The following TCF12 variants were observed in gnomAD, a reference collection of about 807,000 sequenced individuals.
TCF12 encodes the protein DNA-binding protein HTF4.
A neutral mutation model predicts 86.0 loss-of-function variants in TCF12; 45 were observed. The ratio of observed to expected loss-of-function variants is 0.52; its 90% confidence interval spans 0.41 to 0.67. TCF12 has a LOEUF of 0.67. Among genes scored for constraint, TCF12 ranks in the 30% least tolerant of loss-of-function variants. The pLI is 0.00. For synonymous variants in TCF12, 330 were observed against 299.6 expected, an observed-to-expected ratio of 1.10 and a Z score of -1.05; for missense variants, 881 against 859.9, an observed-to-expected ratio of 1.02 and a Z score of -0.31.
intron 7 of TCF12, among the ~76,000 whole-genome samples, chr15:57,196,208 A>T (rs1432565790): frequency 6.6e-6 from 1 of 152,152 alleles, no homozygotes; most frequent in Non-Finnish European, 1.5e-5. Flanking sequence ...TGTACTGAAC[A>T]TGCATAGACT....
chr15:57,200,527 C>T (rs1369186533), intron 8 of TCF12, among the ~76,000 whole-genome samples: 1 of 152,060 alleles, frequency 6.6e-6, no homozygotes, highest in Non-Finnish European at 1.5e-5. Flanking sequence ...GGAAATTTGG[C>T]AGTAGCATTC....
intron 3 of TCF12, among the ~76,000 whole-genome samples, chr15:56,939,436 T>G (rs1226997596): frequency 6.6e-6 from 1 of 152,186 alleles, no homozygotes; most frequent in Non-Finnish European, 1.5e-5. Flanking sequence ...TGATGCCTGC[T>G]TTTGATGAAT....
In TCF12 at chr15:57,239,310, C is replaced by T. The variant is rs543559554; in HGVS notation, c.1036-4162C>T. ...AGGTTGTGGTGAGCTGAGATTGCACCACTGCACTCCAGCCTAGGCAACAAG... is the reference window on the plus strand; with the variant it reads ...AGGTTGTGGTGAGCTGAGATTGCACTACTGCACTCCAGCCTAGGCAACAAG... On this transcript the variant is annotated intron_variant, in intron 12 of 20. Coordinates refer to ENST00000333725, the MANE Select transcript of TCF12 (RefSeq NM_207037.2). Among the ~76,000 whole-genome samples the T allele has an allele frequency of 2.0e-5, 3 of 151,966 alleles. No homozygotes were observed. In the East Asian group the frequency reaches 5.8e-4, roughly 29 times the overall value.
At position 57,129,074 on chromosome 15, in the gene TCF12, C is replaced by T. The variant is rs576259521; in HGVS notation, c.325+37183C>T. Among the ~76,000 whole-genome samples the T allele has an allele frequency of 1.5e-3, 228 of 152,318 alleles. 2 individuals are homozygous for T. The highest frequency in any genetic ancestry group is 5.2e-3 in the African/African-American group (215 of 41,580). Reference sequence around the variant, plus strand: ...GGAGTGGAGTTACCAGGTAATATAACTCTGGTGTTTAACCATTTGAGGAAC... The same window carrying T: ...GGAGTGGAGTTACCAGGTAATATAATTCTGGTGTTTAACCATTTGAGGAAC... On this transcript the variant is annotated intron_variant, in intron 5 of 20. Coordinates refer to ENST00000333725, the MANE Select transcript of TCF12 (RefSeq NM_207037.2).
chr15:57,101,607 A>G (rs2049759042), intron 5 of TCF12, among the ~76,000 whole-genome samples: 1 of 152,202 alleles, frequency 6.6e-6, no homozygotes, highest in South Asian at 2.1e-4. Flanking sequence ...GTGCACACAC[A>G]CACGTGCATA....
chr15:57,274,793 A>C (rs1375511376), intron 19 of TCF12, among the ~76,000 whole-genome samples: 1 of 152,178 alleles, frequency 6.6e-6, no homozygotes, highest in Admixed American at 6.5e-5. Flanking sequence ...GGAGTACCAG[A>C]ATTTATTCTA....
At chr15:56,986,918 A>G (rs923483954) in intron 3 of TCF12, among the ~76,000 whole-genome samples, 11 of 152,180 alleles carry the variant, frequency 7.2e-5, no homozygotes, top group African/African-American at 2.4e-4. Flanking sequence ...AAAGTTTTCT[A>G]TAGTGTTTTC....
intron 3 of TCF12, among the ~76,000 whole-genome samples, chr15:57,011,385 C>T (rs920319911): frequency 4.6e-5 from 7 of 152,002 alleles, no homozygotes; most frequent in South Asian, 2.1e-4. Flanking sequence ...ACCTGCCCCC[C>T]GCTTTTCCTT....
intron 18 of TCF12, among the ~76,000 whole-genome samples, chr15:57,264,098 A>G (rs1011852608): frequency 6.6e-6 from 1 of 150,838 alleles, no homozygotes; most frequent in Non-Finnish European, 1.5e-5. Context: ...ATAAACTTAA[A>G]TTATTTTTAA....
rs1198479084 is a variant in TCF12 at position 57,083,049 on chromosome 15, GAAA to G, written c.223-8737_223-8735del. The stretch of plus-strand genomic sequence containing the variant: ...ATATATTGAATGTTAACTGAATAAA[GAAA>G]AAGAGATACTATTTAGAAACATAAA... On this transcript the variant is annotated intron_variant, in intron 4 of 20. Transcript: ENST00000333725. 3.9e-5 allele frequency among the ~76,000 whole-genome samples: 6 copies of G among 151,942 alleles called. No individual in the cohort carries two copies. The East Asian group carries it at 9.6e-4, about 24-fold the overall frequency.
At position 57,064,795 on chromosome 15, in the gene TCF12, C is replaced by CAAAAAAA. The variant is rs1177544594; in HGVS notation, c.222+984_222+990dup. ...TGGGCCACAGAGTGAGACTCCATCT[C>CAAAAAAA]AAAAAAAAAAAAAAAAAAGAGAGAG... On this transcript the variant is annotated intron_variant, in intron 4 of 20. Transcript: ENST00000333725. Among the ~76,000 whole-genome samples, 47 of 78,040 alleles carry CAAAAAAA rather than the reference C, an allele frequency of 6.0e-4. 1 individual carries two copies. The highest frequency in any genetic ancestry group is 6.2e-3 in the Middle Eastern group (1 of 162). 51.2% of individuals were successfully genotyped at this position (78,040 alleles called of 152,430 possible).
At chr15:57,170,714 TATATATATTATATATTA>T (rs2055349697) in intron 6 of TCF12, among the ~76,000 whole-genome samples, 1 of 8,822 alleles carries the variant, frequency 1.1e-4, no homozygotes, top group Non-Finnish European at 1.9e-4. Context: ...TAATATATAA[TATATATATTATATATTA>T]TATATAATAT....
intron 5 of TCF12, among the ~76,000 whole-genome samples, chr15:57,160,657 T>C (rs931320627): frequency 2.0e-5 from 3 of 152,138 alleles, no homozygotes; most frequent in Non-Finnish European, 4.4e-5. Context: ...TTGGCACCTA[T>C]TGAGGGTAGA....
At chr15:57,000,922 C>G (rs576494600) in intron 3 of TCF12, among the ~76,000 whole-genome samples, 2 of 151,278 alleles carry the variant, frequency 1.3e-5, no homozygotes, top group East Asian at 3.9e-4. Flanking sequence ...TATTATGACT[C>G]TACAGCCATT....
At chr15:57,278,547 A>G (rs200895018) in intron 19 of TCF12, 2 of 114,526 alleles carry the variant, frequency 1.7e-5, no homozygotes, top group Admixed American at 1.6e-4. Context: ...AAAAAAAAAA[A>G]TTTTTTTTCT....
intron 8 of TCF12, among the ~76,000 whole-genome samples, chr15:57,224,810 G>A (rs550912887): frequency 6.6e-6 from 1 of 152,232 alleles, no homozygotes; most frequent in South Asian, 2.1e-4. Context: ...GAGATGGCTT[G>A]TATGTGCCTG....
At chr15:56,994,134 T>A (rs1190100358) in intron 3 of TCF12, among the ~76,000 whole-genome samples, 2 of 152,126 alleles carry the variant, frequency 1.3e-5, no homozygotes, top group African/African-American at 4.8e-5. Context: ...CAGAATGTAA[T>A]GGCAGGAAAA....
At chr15:57,233,087 T>A (rs2059226463) in intron 11 of TCF12, among the ~76,000 whole-genome samples, 1 of 148,826 alleles carries the variant, frequency 6.7e-6, no homozygotes, top group Non-Finnish European at 1.5e-5. Flanking sequence ...TTTTTATATA[T>A]GTATATATAG....
chr15:57,280,027 G>C (rs2061612239), intron 19 of TCF12, among the ~76,000 whole-genome samples: 1 of 151,720 alleles, frequency 6.6e-6, no homozygotes, highest in African/African-American at 2.4e-5. Flanking sequence ...CCGAGTAGCT[G>C]AGATTATAGG....
Sources: allele counts gnomAD v4.1 joint callset (sites outside exome capture counted in the v4.1 genomes callset), GRCh38; gene constraint gnomAD v4.1.1; transcripts MANE v1.5; gene names NCBI Gene and HGNC (gene_info 2026-07-23, HGNC 2026-07-21).